Variants in ATF6 observed in about 807,000 individuals in gnomAD.
ATF6 encodes cyclic AMP-dependent transcription factor ATF-6 alpha.
In ATF6, 53 loss-of-function variants were observed where a neutral mutation model predicts 83.6. The observed-to-expected ratio is 0.63, with a 90% CI of 0.51 to 0.80. The LOEUF (loss-of-function observed/expected upper bound fraction) is 0.80, where lower values mean the gene tolerates loss of function less well. Ranked by LOEUF, ATF6 falls within the 30% of genes least tolerant of loss-of-function variation. The pLI, the probability that ATF6 is intolerant of heterozygous loss-of-function variation, is 0.00. For missense variants in ATF6, 744 were observed against 797.9 expected (o/e 0.93, Z 0.81); for synonymous variants, 288 against 285.8 (o/e 1.01, Z -0.08).
chr1:161,795,542 T>C (rs1410624648), intron 6 of ATF6, among the ~76,000 whole-genome samples: 1 of 152,240 alleles, frequency 6.6e-6, no homozygotes, highest in Admixed American at 6.5e-5. Context: ...AATAAATGTT[T>C]GATACATAGT....
At chr1:161,832,645 G>A (rs1014572271) in intron 9 of ATF6, among the ~76,000 whole-genome samples, 2 of 152,258 alleles carry the variant, frequency 1.3e-5, no homozygotes, top group Non-Finnish European at 2.9e-5. Context: ...CACCCACAGA[G>A]CCTCGCTCAT....
intron 10 of ATF6, among the ~76,000 whole-genome samples, chr1:161,848,433 G>A (rs1686533209): frequency 6.6e-6 from 1 of 151,818 alleles, no homozygotes. Flanking sequence ...ATGAGACATG[G>A]TTCAAATAAA....
At chr1:161,832,922 T>C (rs1044445355) in intron 9 of ATF6, among the ~76,000 whole-genome samples, 7 of 152,184 alleles carry the variant, frequency 4.6e-5, no homozygotes, top group African/African-American at 1.7e-4. Flanking sequence ...TCTCCCAGCA[T>C]GCAGCTTGAG....
In ATF6 at chr1:161,810,340, G is replaced by A. The variant is rs544352373; in HGVS notation, c.909+8068G>A. Among the ~76,000 whole-genome samples the A allele has an allele frequency of 4.6e-5, 7 of 152,240 alleles. No individual in the cohort carries two copies. The East Asian group carries it at 1.2e-3, about 25-fold the overall frequency. On this transcript the variant is annotated intron_variant, in intron 7 of 15. Coordinates refer to ENST00000367942, the MANE Select transcript of ATF6 (RefSeq NM_007348.4). ...TAGAGCAGGAGAAAGAGAGAAAAGA[G>A]GGAAGTGCTACACACTTTTAAACAA...
chr1:161,858,098 C>A (rs1686802588), intron 12 of ATF6, among the ~76,000 whole-genome samples: 1 of 151,852 alleles, frequency 6.6e-6, no homozygotes. Context: ...CAAAGCAAGA[C>A]CCTGTGTCTT....
intron 9 of ATF6, among the ~76,000 whole-genome samples, chr1:161,824,265 A>G (rs1336189491): frequency 6.6e-6 from 1 of 152,050 alleles, no homozygotes; most frequent in Non-Finnish European, 1.5e-5. Context: ...CACTGCCGGC[A>G]GTGCCCTTCC....
chr1:161,857,524 G>C (rs575521489), intron 12 of ATF6, among the ~76,000 whole-genome samples: 2 of 152,048 alleles, frequency 1.3e-5, no homozygotes, highest in Non-Finnish European at 2.9e-5. Context: ...AAAACCAAGG[G>C]AATTTGTCTC....
At chr1:161,822,698 T>G (rs1428357809) in intron 9 of ATF6, among the ~76,000 whole-genome samples, 1 of 152,132 alleles carries the variant, frequency 6.6e-6, no homozygotes, top group South Asian at 2.1e-4. Flanking sequence ...GTAACAATGT[T>G]AGGTGCCATG....
chr1:161,794,575 A>G (rs573326815), intron 6 of ATF6, among the ~76,000 whole-genome samples: 2 of 152,094 alleles, frequency 1.3e-5, no homozygotes, highest in African/African-American at 2.4e-5. Flanking sequence ...TGATCTCCCA[A>G]AGCTCTGGGA....
chr1:161,926,420 T>C lies in ATF6; in HGVS notation c.1804+14040T>C, dbSNP rs185039305. ...CTGTTGACTGGGGCTGAAGACTTGA[T>C]TGGGTCTCAGGGATGTGCCTCCACA... is the stretch of plus-strand genomic sequence containing the variant. On this transcript the variant is annotated intron_variant, in intron 15 of 15. Coordinates refer to ENST00000367942, the MANE Select transcript of ATF6 (RefSeq NM_007348.4). Among the ~76,000 whole-genome samples, 4 of 152,184 alleles carry C rather than the reference T, an allele frequency of 2.6e-5. No individual in the cohort carries two copies. The East Asian group carries it at 5.8e-4, about 22-fold the overall frequency.
intron 15 of ATF6, among the ~76,000 whole-genome samples, chr1:161,912,783 G>A (rs191442765): frequency 8.5e-4 from 129 of 152,254 alleles, no homozygotes; most frequent in African/African-American, 2.9e-3. Flanking sequence ...CCATGCCACA[G>A]AAGCCTGTTT....
intron 14 of ATF6, among the ~76,000 whole-genome samples, chr1:161,864,691 C>T (rs1193566786): frequency 6.6e-6 from 1 of 152,172 alleles, no homozygotes; most frequent in Non-Finnish European, 1.5e-5. Flanking sequence ...TCACAAAATT[C>T]CCTGTGTTCA....
chr1:161,876,252 A>G (rs548320284), intron 14 of ATF6, among the ~76,000 whole-genome samples: 2 of 152,140 alleles, frequency 1.3e-5, no homozygotes, highest in Admixed American at 6.5e-5. Flanking sequence ...TTGTAAAACA[A>G]AAGCACAATT....
At chr1:161,905,895 C>T (rs1416592006) in intron 14 of ATF6, among the ~76,000 whole-genome samples, 3 of 151,942 alleles carry the variant, frequency 2.0e-5, no homozygotes, top group South Asian at 2.1e-4. Context: ...GCAGTGGCAG[C>T]GATCTCGGCT....
chr1:161,854,111 A>C (rs544995938), intron 12 of ATF6, among the ~76,000 whole-genome samples: 34 of 152,330 alleles, frequency 2.2e-4, no homozygotes, highest in African/African-American at 7.9e-4. Context: ...ATGAGTGACT[A>C]GACTGAGTGG....
intron 7 of ATF6, among the ~76,000 whole-genome samples, chr1:161,808,885 T>C (rs1685372142): frequency 6.6e-6 from 1 of 152,144 alleles, no homozygotes; most frequent in African/African-American, 2.4e-5. Flanking sequence ...TCTTATTCTT[T>C]TAATAGCTGC....
At chr1:161,949,114 G>A (rs1472092749) in intron 15 of ATF6, among the ~76,000 whole-genome samples, 1 of 152,282 alleles carries the variant, frequency 6.6e-6, no homozygotes, top group East Asian at 1.9e-4. Context: ...GCTGACTTAT[G>A]CTAATTCTTG....
intron 13 of ATF6, among the ~76,000 whole-genome samples, chr1:161,861,713 A>G (rs564625222): frequency 4.3e-4 from 66 of 152,338 alleles, no homozygotes; most frequent in African/African-American, 1.6e-3. Flanking sequence ...ATTTGCAAAC[A>G]TGCGTAGATG....
chr1:161,775,752 A>G (rs1317058011), intron 1 of ATF6, among the ~76,000 whole-genome samples: 1 of 152,136 alleles, frequency 6.6e-6, no homozygotes, highest in Non-Finnish European at 1.5e-5. Flanking sequence ...TATTTCTCCA[A>G]GGAACCCCTT....
Sources: gnomAD v4.1 joint callset for allele counts (sites outside exome capture counted in the v4.1 genomes callset) on GRCh38, gnomAD v4.1.1 for gene constraint, MANE v1.5 for transcripts, NCBI Gene and HGNC (gene_info 2026-07-23, HGNC 2026-07-21) for gene names.